Variants in TRIT1 observed in about 807,000 individuals in gnomAD.
The protein encoded by TRIT1 is tRNA dimethylallyltransferase.
Under a neutral mutation model 51.2 loss-of-function variants are expected in TRIT1, and 43 were observed. The ratio of observed to expected loss-of-function variants is 0.84; its 90% CI spans 0.66 to 1.08. TRIT1 has a LOEUF of 1.08. Ranked by LOEUF, TRIT1 falls within the 50% of genes least tolerant of loss-of-function variation. The pLI is 0.00. For missense variants in TRIT1, 528 were observed against 578.4 expected (o/e 0.91, Z 0.89); for synonymous variants, 184 against 203.9 (o/e 0.90, Z 0.83).
At chr1:39,856,006 T>A (rs772656137) in intron 2 of TRIT1, among the ~76,000 whole-genome samples, 3 of 151,350 alleles carry the variant, frequency 2.0e-5, no homozygotes, top group Non-Finnish European at 4.4e-5. Context: ...GCAAAATCCA[T>A]CTCTACAAAA....
chr1:39,850,363 G>C lies in TRIT1; in HGVS notation c.561-102C>G, dbSNP rs545724866. 1.2e-5 allele frequency: 17 copies of C among 1,441,244 alleles called. No homozygotes were observed. The African/African-American group carries it at 2.3e-4, about 19-fold the overall frequency. The allele number at this position is 1,441,244 out of a possible 1,614,324, so 89.3% of individuals were successfully genotyped here. On this transcript the variant is annotated intron_variant, in intron 4 of 10. Transcript: ENST00000316891. ...GGAGAAAGGCTGTTTATTACAGAAA[G>C]CCTCTTTCTTGAAAGCCAGTCACGA...
chr1:39,855,661 G>A (rs559801238), intron 2 of TRIT1, among the ~76,000 whole-genome samples: 1 of 152,270 alleles, frequency 6.6e-6, no homozygotes, highest in Non-Finnish European at 1.5e-5. Flanking sequence ...CCTGTAGTAT[G>A]ATTAACAAAG....
In TRIT1 at chr1:39,850,226, T is replaced by C. The variant is rs760045849; in HGVS notation, c.596A>G (p.His199Arg). The C allele has an allele frequency of 6.8e-6, 11 of 1,614,074 alleles. No homozygotes were observed. Among genetic ancestry groups the C allele is most frequent in the Non-Finnish European group, 9.3e-6 (11 of 1,180,038 alleles). ...ATGTTGACGATGGAGAAATTCACTATGAGAGATTCCTGTTTCTTCAAAAAC... is the reference window on the plus strand; with the variant it reads ...ATGTTGACGATGGAGAAATTCACTACGAGAGATTCCTGTTTCTTCAAAAAC... ...LQVFEETGIS[H>R]SEFLHRQHTE... Residue 199 changes from histidine (H) to arginine (R), a missense_variant, in exon 5 of 11, where the codon CAT (histidine) becomes CGT (arginine). By Grantham distance (29) the His-to-Arg change is conservative. Around this residue, in one of 3 missense-constraint regions of TRIT1, gnomAD observed 468 missense variants for 522.6 expected, o/e 0.90. Transcript: ENST00000316891.
intron 1 of TRIT1, chr1:39,881,563 T>C (rs1644267309): frequency 6.6e-6 from 1 of 152,172 alleles, no homozygotes; most frequent in Non-Finnish European, 1.5e-5. Context: ...TCCTTTTTTT[T>C]TTTTAAGACT....
intron 5 of TRIT1, among the ~76,000 whole-genome samples, chr1:39,849,625 C>A (rs765907131): frequency 3.9e-5 from 6 of 152,180 alleles, no homozygotes; most frequent in Non-Finnish European, 7.3e-5. Context: ...ACTCTGAAAC[C>A]GAAGTACCAC....
At position 39,841,652 on chromosome 1, in the gene TRIT1, T is replaced by A; in HGVS notation, c.*92A>T. 1 of 1,337,756 alleles carries A rather than the reference T, an allele frequency of 7.5e-7. No individual in the cohort carries two copies. The allele number at this position is 1,337,756 out of a possible 1,614,324, so 82.9% of individuals were successfully genotyped here. ...TTTCTGCTATGCAGAGAATTCCGCA[T>A]AGCACTCCTTTGCCCAGACTGGGAG... On this transcript the variant is annotated 3_prime_UTR_variant, in exon 11 of 11. Coordinates refer to ENST00000316891, the MANE Select transcript of TRIT1 (RefSeq NM_017646.6).
At chr1:39,853,438 C>G (rs770343271) in intron 3 of TRIT1, among the ~76,000 whole-genome samples, 4 of 151,850 alleles carry the variant, frequency 2.6e-5, no homozygotes, top group Non-Finnish European at 5.9e-5. Flanking sequence ...GCTCTGTTGC[C>G]CAGGCTGGAG....
chr1:39,852,836 A>G lies in TRIT1; in HGVS notation c.455T>C (p.Val152Ala). ...AAGACCATCCTCCTTTTCAAGCTCC[A>G]CTTTTCGGTCAATCACTTTCTCAGT... is the stretch of plus-strand genomic sequence containing the variant. ...MGTEKVIDRK[V>A]ELEKEDGLVL... is the part of the protein sequence containing the mutation. Residue 152 changes from valine to alanine, a missense_variant, in exon 4 of 11, where the codon GTG becomes GCG. By Grantham distance (64) the Val-to-Ala change is moderately conservative. Transcript: ENST00000316891. The G allele has an allele frequency of 6.2e-7, 1 of 1,614,132 alleles. No homozygotes were observed. Among genetic ancestry groups the G allele is most frequent in the Non-Finnish European group, 8.5e-7 (1 of 1,180,014 alleles).
intron 1 of TRIT1, among the ~76,000 whole-genome samples, chr1:39,864,663 C>T (rs1013190168): frequency 6.6e-6 from 1 of 151,918 alleles, no homozygotes; most frequent in Non-Finnish European, 1.5e-5. Context: ...TGAGAAACCC[C>T]GATCTAAAGA....
At chr1:39,849,290 AT>A (rs1557538932) in intron 5 of TRIT1, among the ~76,000 whole-genome samples, 1 of 152,224 alleles carries the variant, frequency 6.6e-6, no homozygotes. Flanking sequence ...TGTCTTAACA[AT>A]TCACATAACT....
intron 1 of TRIT1, among the ~76,000 whole-genome samples, chr1:39,866,304 C>A (rs1643553397): frequency 2.0e-5 from 3 of 152,148 alleles, no homozygotes; most frequent in Admixed American, 2.0e-4. Context: ...TCCCAAGTAG[C>A]TGGGATTATA....
At chr1:39,870,513 T>TAAAAAAAAAA (rs60334518) in intron 1 of TRIT1, among the ~76,000 whole-genome samples, 98 of 78,756 alleles carry the variant, frequency 1.2e-3, no homozygotes, top group Non-Finnish European at 1.4e-3. Context: ...CAATAAATAC[T>TAAAAAAAAAA]AAAAAAAAAA....
At chr1:39,844,486 T>C in intron 9 of TRIT1, 45 bp downstream of exon 9, 1 of 1,470,940 alleles carries the variant, frequency 6.8e-7, no homozygotes, top group Non-Finnish European at 9.5e-7. Flanking sequence ...CTAATGAAAG[T>C]GCTCTGAAAA....
intron 1 of TRIT1, among the ~76,000 whole-genome samples, chr1:39,877,019 C>CAAAAAA (rs529375001): frequency 4.0e-5 from 3 of 74,598 alleles, no homozygotes; most frequent in African/African-American, 5.4e-5. Flanking sequence ...AATGGGTCTT[C>CAAAAAA]AAAAAAAAAA....
In TRIT1 at chr1:39,838,311, T is replaced by C. The variant is rs899883235; in HGVS notation, c.*3433A>G. On this transcript the variant is annotated 3_prime_UTR_variant, in exon 11 of 11. Transcript: ENST00000316891. Reference sequence around the variant, plus strand: ...ATCCTGGTTAAAAAGTATTTAACAATTGAAGCAGATCACTTATGTAGAGAC... The same window carrying C: ...ATCCTGGTTAAAAAGTATTTAACAACTGAAGCAGATCACTTATGTAGAGAC... Among the ~76,000 whole-genome samples, 2 of 152,228 alleles carry C rather than the reference T, an allele frequency of 1.3e-5. No individual in the cohort carries two copies. Among genetic ancestry groups the C allele is most frequent in the Non-Finnish European group, 2.9e-5 (2 of 68,038 alleles).
chr1:39,874,872 T>G (rs1465722943), intron 1 of TRIT1, among the ~76,000 whole-genome samples: 1 of 151,994 alleles, frequency 6.6e-6, no homozygotes, highest in Non-Finnish European at 1.5e-5. Context: ...TTCTCCATGT[T>G]GGTCAGGCTG....
intron 1 of TRIT1, among the ~76,000 whole-genome samples, chr1:39,861,263 T>G (rs550251182): frequency 1.3e-5 from 2 of 152,264 alleles, no homozygotes; most frequent in Admixed American, 6.5e-5. Flanking sequence ...GCAAGGTGGC[T>G]CATGCCTGTA....
intron 1 of TRIT1, among the ~76,000 whole-genome samples, chr1:39,881,039 G>C (rs922896009): frequency 1.3e-5 from 2 of 151,724 alleles, no homozygotes; most frequent in Non-Finnish European, 2.9e-5. Context: ...CCAACATGGC[G>C]AAACTCCGTC....
chr1:39,848,363 A>G (rs375830226), intron 5 of TRIT1, among the ~76,000 whole-genome samples: 26 of 152,156 alleles, frequency 1.7e-4, no homozygotes, highest in South Asian at 6.2e-4. Flanking sequence ...TGTGAAGGAC[A>G]AATATTTTAT....
Sources: gnomAD v4.1 joint callset for allele counts (sites outside exome capture counted in the v4.1 genomes callset) on GRCh38, gnomAD v4.1.1 for gene constraint, gnomAD v4.1.1 regional missense constraint, MANE v1.5 for transcripts, NCBI Gene and HGNC (gene_info 2026-07-23, HGNC 2026-07-21) for gene names.